PCDHGC5: variants seen among roughly 807,000 people sequenced by gnomAD.
PCDHGC5 encodes protocadherin gamma-C5.
A neutral mutation model predicts 59.0 loss-of-function variants in PCDHGC5; 25 were observed. The observed-to-expected ratio is 0.42, with a 90% confidence interval of 0.31 to 0.59. The LOEUF is 0.59. PCDHGC5 is among the 20% of genes least tolerant of loss of function. PCDHGC5 has a pLI of 0.13. For missense variants in PCDHGC5, 1,067 were observed against 1,206.4 expected (o/e 0.88, Z 1.71); for synonymous variants, 434 against 505.5 (o/e 0.86, Z 1.90).
intron 2 of PCDHGC5, among the ~76,000 whole-genome samples, chr5:141,500,900 C>T (rs1309164700): frequency 4.0e-5 from 6 of 150,642 alleles, no homozygotes; most frequent in South Asian, 2.1e-4. Flanking sequence ...GAGACAGTCT[C>T]GCTCTGTCTC....
chr5:141,503,825 CA>C (rs2154593417), intron 2 of PCDHGC5, among the ~76,000 whole-genome samples: 1 of 152,186 alleles, frequency 6.6e-6, no homozygotes, highest in Non-Finnish European at 1.5e-5. Flanking sequence ...TGGGCAAAAC[CA>C]AAAGCAGGGA....
intron 2 of PCDHGC5, among the ~76,000 whole-genome samples, 170 bp from the exon 3 acceptor site, chr5:141,505,223 A>G (rs746167057): frequency 1.9e-4 from 29 of 152,176 alleles, no homozygotes; most frequent in Admixed American, 6.5e-5. Flanking sequence ...GACTTGTGGG[A>G]TTCTGGCTTC....
In PCDHGC5 at chr5:141,489,662, G is replaced by C; in HGVS notation, c.422G>C (p.Arg141Pro). 8.1e-6 allele frequency: 13 copies of C among 1,614,144 alleles called. No individual in the cohort carries two copies. The highest frequency in any genetic ancestry group is 1.1e-5 in the Non-Finnish European group (13 of 1,180,010). Residue 141 changes from arginine to proline, a missense_variant, in exon 1 of 4, where the codon CGC becomes CCC. By Grantham distance (103) the Arg-to-Pro change is moderately radical (BLOSUM62 -2). Coordinates refer to ENST00000252087, the MANE Select transcript of PCDHGC5 (RefSeq NM_018929.3). This position sits in a 1 kb window ranked among gnomAD's most constrained non-coding sequence, Gnocchi z 4.5. ...PSFATPEREM[R>P]ISESAASGAR... The stretch of plus-strand genomic sequence containing the variant: ...TTTGCCACCCCTGAGCGAGAGATGC[G>C]CATCTCAGAATCAGCAGCATCTGGG...
chr5:141,501,693 G>T (rs1417828433), intron 2 of PCDHGC5, among the ~76,000 whole-genome samples: 1 of 152,028 alleles, frequency 6.6e-6, no homozygotes, highest in Non-Finnish European at 1.5e-5. Context: ...TATCTGCAGG[G>T]TGATTCCGAG....
chr5:141,499,073 G>T (rs2099789305), intron 2 of PCDHGC5, among the ~76,000 whole-genome samples: 1 of 152,064 alleles, frequency 6.6e-6, no homozygotes, highest in Admixed American at 6.5e-5. Flanking sequence ...CTTACATTCT[G>T]AAGTTCCTGC....
At chr5:141,505,282 G>C (rs73280377) in intron 2 of PCDHGC5, 111 bp from the exon 3 acceptor site, 37,017 of 1,544,812 alleles carry the variant, frequency 0.024, 1,115 homozygotes, top group African/African-American at 0.15. Context: ...AACAGGTCTT[G>C]GGCATGGGGT....
chr5:141,509,300 G>A (rs987250093), intron 3 of PCDHGC5, among the ~76,000 whole-genome samples: 5 of 152,216 alleles, frequency 3.3e-5, no homozygotes, highest in African/African-American at 1.2e-4. Flanking sequence ...GGTGGAGGCA[G>A]AGGGAGGCTG....
At position 141,511,036 on chromosome 5, in the gene PCDHGC5, G is replaced by A. The variant is rs116366286; in HGVS notation, c.2698G>A (p.Val900Met). ...CGGACCCCAGTTCACCCTGCAGCAC[G>A]TGCCCGACTACCGCCAGAATGTCTA... is the stretch of plus-strand genomic sequence containing the variant. ...RYGPQFTLQH[V>M]PDYRQNVYIP... is the part of the protein sequence containing the mutation. Residue 900 changes from valine to methionine, a missense_variant, in exon 4 of 4, where the codon GTG becomes ATG. Physicochemically the swap from Val to Met is conservative, Grantham distance 21. Transcript: ENST00000252087. 5.5e-5 allele frequency: 89 copies of A among 1,614,198 alleles called. No individual in the cohort carries two copies. The highest frequency in any genetic ancestry group is 1.6e-4 in the Middle Eastern group (1 of 6,062).
At chr5:141,509,625 G>T (rs915049847) in intron 3 of PCDHGC5, among the ~76,000 whole-genome samples, 1 of 152,186 alleles carries the variant, frequency 6.6e-6, no homozygotes, top group Non-Finnish European at 1.5e-5. Flanking sequence ...AAGTTCCTGG[G>T]TGATGCTGAG....
At chr5:141,509,758 C>T (rs574741134) in intron 3 of PCDHGC5, among the ~76,000 whole-genome samples, 17 of 152,202 alleles carry the variant, frequency 1.1e-4, no homozygotes. Flanking sequence ...CTAAAGTGTC[C>T]CTGAGATGTC....
rs1283050252 is a variant in PCDHGC5, at chr5:141,512,909, T to G, written c.*1736T>G. ...CCTCTTCCTGTGTCTCACGCAAGTT[T>G]TATACTCTAATATTTATATGGCTTT... On this transcript the variant is annotated 3_prime_UTR_variant, in exon 4 of 4. Coordinates refer to ENST00000252087, the MANE Select transcript of PCDHGC5 (RefSeq NM_018929.3). 6.6e-6 allele frequency: 1 copy of G among 152,268 alleles called. No homozygotes were observed. The highest frequency in any genetic ancestry group is 1.5e-5 in the Non-Finnish European group (1 of 68,056). 9.4% of individuals were successfully genotyped at this position (152,268 alleles called of 1,614,324 possible).
At position 141,489,985 on chromosome 5, in the gene PCDHGC5, G is replaced by A. The variant is rs761481986; in HGVS notation, c.745G>A (p.Val249Met). ...AACCTTCCAATCCTCAGTTCTACGT[G>A]TGGGAATCCCAGAGAATGCACCCAT... ...APTFQSSVLRVGIPENAPIGT... is the reference protein window; with the variant it reads ...APTFQSSVLRMGIPENAPIGT... The change falls in exon 1 of 4, where the codon GTG (valine) becomes ATG (methionine). Residue 249 changes from valine (V) to methionine (M), a missense_variant. Transcript: ENST00000252087. The surrounding 1 kb of genome is among the most constrained non-coding windows in gnomAD (Gnocchi z 4.5). The A allele has an allele frequency of 1.2e-6, 2 of 1,614,094 alleles. No homozygotes were observed. Among genetic ancestry groups the A allele is most frequent in the African/African-American group, 2.7e-5 (2 of 74,946 alleles).
rs1188941232 is a variant in PCDHGC5, at chr5:141,512,270, G to A, written c.*1097G>A. ...TCTGTGGGTGCTGGGTACTCCAGAG[G>A]TGCCACTGGTGGAAGGGTCAGCGGA... On this transcript the variant is annotated 3_prime_UTR_variant, in exon 4 of 4. Coordinates refer to ENST00000252087, the MANE Select transcript of PCDHGC5 (RefSeq NM_018929.3). The A allele has an allele frequency of 1.3e-5, 2 of 152,714 alleles. No individual in the cohort carries two copies. The highest frequency in any genetic ancestry group is 2.9e-5 in the Non-Finnish European group (2 of 68,100). The allele number at this position is 152,714 out of a possible 1,614,324, so 9.5% of individuals were successfully genotyped here.
chr5:141,491,583 C>G lies in PCDHGC5; in HGVS notation c.2343C>G (p.Ala781=). The change falls in exon 1 of 4, where the codon GCC becomes GCG. Residue 781 remains alanine (A), a synonymous_variant. Coordinates refer to ENST00000252087, the MANE Select transcript of PCDHGC5 (RefSeq NM_018929.3). This position sits in a 1 kb window ranked among gnomAD's most constrained non-coding sequence, Gnocchi z 6.9. The part of the protein sequence containing the change: ...SHCYRTCFSP[A]SDGSDFTFLR... ...GCTACAGGACGTGCTTTTCACCGGC[C>G]TCGGACGGCAGTGACTTCACTTTTC... is the stretch of plus-strand genomic sequence containing the variant. 1 of 1,613,964 alleles carries G rather than the reference C, an allele frequency of 6.2e-7. No individual in the cohort carries two copies. The highest frequency in any genetic ancestry group is 8.5e-7 in the Non-Finnish European group (1 of 1,180,046).
At position 141,489,090 on chromosome 5, in the gene PCDHGC5, C is replaced by A; in HGVS notation, c.-151C>A. On this transcript the variant is annotated 5_prime_UTR_variant, in exon 1 of 4. Transcript: ENST00000252087. The surrounding 1 kb of genome is among the most constrained non-coding windows in gnomAD (Gnocchi z 4.5). Reference sequence around the variant, plus strand: ...CCTGCCCACCCCCGCCACTCGGTGACTAAGAACTGCTGCAAGCAGGCAAAC... The same window carrying A: ...CCTGCCCACCCCCGCCACTCGGTGAATAAGAACTGCTGCAAGCAGGCAAAC... The A allele has an allele frequency of 1.5e-5, 5 of 328,802 alleles. No individual in the cohort carries two copies. The highest frequency in any genetic ancestry group is 4.8e-5 in the East Asian group (1 of 20,928). 20.4% of individuals were successfully genotyped at this position (328,802 alleles called of 1,614,324 possible).
chr5:141,510,795 G>T (rs994874330), intron 3 of PCDHGC5, 152 bp from the exon 4 acceptor site: 6 of 1,465,214 alleles, frequency 4.1e-6, no homozygotes. Flanking sequence ...CTTGTGAAGA[G>T]AGACTACCTT....
At chr5:141,503,325 G>A (rs1002520312) in intron 2 of PCDHGC5, among the ~76,000 whole-genome samples, 10 of 152,104 alleles carry the variant, frequency 6.6e-5, no homozygotes, top group East Asian at 1.9e-4. Flanking sequence ...GGAGGGGCGC[G>A]GTGGCTCACG....
intron 2 of PCDHGC5, among the ~76,000 whole-genome samples, chr5:141,502,834 A>G (rs1398558120): frequency 6.7e-6 from 1 of 149,378 alleles, no homozygotes; most frequent in Non-Finnish European, 1.5e-5. Flanking sequence ...GGAAGCCTGG[A>G]CTGGCTGAGC....
In PCDHGC5 at chr5:141,489,203, C is replaced by A; in HGVS notation, c.-38C>A. On this transcript the variant is annotated 5_prime_UTR_variant, in exon 1 of 4. Transcript: ENST00000252087. The surrounding 1 kb of genome is among the most constrained non-coding windows in gnomAD (Gnocchi z 4.5). ...CCCTGGGTCTACCTTGGAGACAGGA[C>A]AGCACAGACTTACTCTCCACAAAGG... is the stretch of plus-strand genomic sequence containing the variant. 7.1e-7 allele frequency: 1 copy of A among 1,414,834 alleles called. No individual in the cohort carries two copies. Among genetic ancestry groups the A allele is most frequent in the Non-Finnish European group, 9.6e-7 (1 of 1,040,052 alleles). The allele number at this position is 1,414,834 out of a possible 1,614,324, so 87.6% of individuals were successfully genotyped here.
Sources: allele counts gnomAD v4.1 joint callset (sites outside exome capture counted in the v4.1 genomes callset), GRCh38; gene constraint gnomAD v4.1.1; non-coding constraint Gnocchi (gnomAD v3.1); transcripts MANE v1.5; gene names NCBI Gene and HGNC (gene_info 2026-07-23, HGNC 2026-07-21).